Variants in KIRREL3 observed in about 807,000 individuals in gnomAD.
KIRREL3 encodes the protein kin of IRRE-like protein 3.
KIRREL3 carries 36 observed loss-of-function variants against 89.7 expected under a neutral mutation model. The ratio of observed to expected loss-of-function variants is 0.40; its 90% CI spans 0.31 to 0.53. KIRREL3 has a LOEUF of 0.53. KIRREL3 is among the 20% of genes least tolerant of loss of function. The probability of loss-of-function intolerance (pLI) is 0.49; values close to 1 mark genes in which losing one functional copy is unlikely to be tolerated. For synonymous variants in KIRREL3, 445 were observed against 441.4 expected (o/e 1.01, Z -0.10); for missense variants, 864 against 1,056.6 (o/e 0.82, Z 2.53).
chr11:126,881,219 C>T (rs1255478762), intron 1 of KIRREL3, among the ~76,000 whole-genome samples: 1 of 152,188 alleles, frequency 6.6e-6, no homozygotes, highest in Admixed American at 6.5e-5. Context: ...AACCAAGTGG[C>T]ATAAATCGGC....
In KIRREL3 at chr11:126,643,489, T is replaced by C. The variant is rs1944550068; in HGVS notation, c.56-80577A>G. ...GAGTATTGAAGTGGAAAAGAGGAGG[T>C]CATGGTTCAGGGAAAGGTGACTAGT... On this transcript the variant is annotated intron_variant, in intron 1 of 16. Transcript: ENST00000525144. This position sits in a 1 kb window ranked among gnomAD's most constrained non-coding sequence, Gnocchi z 4.5. Among the ~76,000 whole-genome samples the C allele has an allele frequency of 2.0e-5, 3 of 151,600 alleles. No homozygotes were observed. Among genetic ancestry groups the C allele is most frequent in the Admixed American group, 2.0e-4 (3 of 15,196 alleles).
Position 126,923,266 on chromosome 11 carries a change from TCTCCTTCTC to T in KIRREL3, c.55+77180_55+77188del, listed in dbSNP as rs1163351677. ...TTCTTCTTCTTCTTCTTCTTCTTCTTCTCCTTCTCCTTCTCCTTCTCCTTCTCCTTCTTC... is the reference window on the plus strand; with the variant it reads ...TTCTTCTTCTTCTTCTTCTTCTTCTTCTTCTCCTTCTCCTTCTCCTTCTTC... On this transcript the variant is annotated intron_variant, in intron 1 of 16. Transcript: ENST00000525144. Among the ~76,000 whole-genome samples the T allele has an allele frequency of 4.6e-3, 367 of 79,098 alleles. 52 individuals carry two copies. The highest frequency in any genetic ancestry group is 0.014 in the African/African-American group (220 of 15,852). 51.9% of individuals were successfully genotyped at this position (79,098 alleles called of 152,430 possible). A position where few individuals can be genotyped will look rare whatever the true frequency, so the allele number is the denominator to read the frequency against.
chr11:126,941,527 T>C (rs1039943999), intron 1 of KIRREL3, among the ~76,000 whole-genome samples: 1 of 152,222 alleles, frequency 6.6e-6, no homozygotes, highest in Admixed American at 6.5e-5. Context: ...CAGCCTCGCA[T>C]GGTGCATAAA....
intron 2 of KIRREL3, among the ~76,000 whole-genome samples, chr11:126,560,666 G>A (rs1940051251): frequency 6.6e-6 from 1 of 152,184 alleles, no homozygotes; most frequent in Admixed American, 6.5e-5. Context: ...CTGGGTGACA[G>A]GCACCTTATT....
intron 7 of KIRREL3, among the ~76,000 whole-genome samples, chr11:126,450,453 C>G (rs1263288362): frequency 2.7e-5 from 3 of 111,468 alleles, no homozygotes; most frequent in African/African-American, 8.7e-5. Context: ...ATGTGCGCAT[C>G]TGTGAGTGTG....
chr11:126,572,964 G>C (rs1193832385), intron 1 of KIRREL3, among the ~76,000 whole-genome samples: 1 of 152,200 alleles, frequency 6.6e-6, no homozygotes, highest in Non-Finnish European at 1.5e-5. Context: ...CGAATGAGTA[G>C]GGGTAGGGGG....
chr11:126,613,753 C>T (rs981040541), intron 1 of KIRREL3, among the ~76,000 whole-genome samples: 3 of 151,712 alleles, frequency 2.0e-5, no homozygotes, highest in Non-Finnish European at 2.9e-5. Context: ...TCTCGATGTG[C>T]ATTTATTAAA....
chr11:126,630,401 G>C (rs1372016606), intron 1 of KIRREL3, among the ~76,000 whole-genome samples: 2 of 152,192 alleles, frequency 1.3e-5, no homozygotes, highest in African/African-American at 4.8e-5. Context: ...ATTTAGCAAA[G>C]AATTAAAGCA....
chr11:126,806,152 G>T lies in KIRREL3; in HGVS notation c.55+194303C>A, dbSNP rs141812488. On this transcript the variant is annotated intron_variant, in intron 1 of 16. Coordinates refer to ENST00000525144, the MANE Select transcript of KIRREL3 (RefSeq NM_032531.4). The stretch of plus-strand genomic sequence containing the variant: ...GGGGACTGAATAAGATGAAAGGCCA[G>T]CTCAGATCTTCAGGGAAAGCTATTG... Among the ~76,000 whole-genome samples, 232 of 152,296 alleles carry T rather than the reference G, an allele frequency of 1.5e-3. 3 individuals are homozygous for T. The highest frequency in any genetic ancestry group is 5.3e-3 in the African/African-American group (219 of 41,562).
chr11:126,471,146 T>C lies in KIRREL3; in HGVS notation c.591+2163A>G, dbSNP rs1956878666. Reference sequence around the variant, plus strand: ...GCTGAGGCAGGTGGATCACCTGAGGTCGGGAGTTTGAGACCAGCCTGACCA... The same window carrying C: ...GCTGAGGCAGGTGGATCACCTGAGGCCGGGAGTTTGAGACCAGCCTGACCA... On this transcript the variant is annotated intron_variant, in intron 5 of 16. Coordinates refer to ENST00000525144, the MANE Select transcript of KIRREL3 (RefSeq NM_032531.4). The surrounding 1 kb of genome is among the most constrained non-coding windows in gnomAD (Gnocchi z 5.4). 6.6e-6 allele frequency among the ~76,000 whole-genome samples: 1 copy of C among 151,840 alleles called. No individual in the cohort carries two copies. The highest frequency in any genetic ancestry group is 1.5e-5 in the Non-Finnish European group (1 of 67,974).
Position 126,970,383 on chromosome 11 carries a change from C to A in KIRREL3, c.55+30072G>T, listed in dbSNP as rs1565466371. Among the ~76,000 whole-genome samples, 2 of 152,058 alleles carry A rather than the reference C, an allele frequency of 1.3e-5. No individual in the cohort carries two copies. The highest frequency in any genetic ancestry group is 2.9e-5 in the Non-Finnish European group (2 of 68,012). On this transcript the variant is annotated intron_variant, in intron 1 of 16. Coordinates refer to ENST00000525144, the MANE Select transcript of KIRREL3 (RefSeq NM_032531.4). This position sits in a 1 kb window ranked among gnomAD's most constrained non-coding sequence, Gnocchi z 4.4. ...TCTTTATTAAACACTACATTAAACA[C>A]AAATAGGTAGGCATAAGGTTAAGTG... is the stretch of plus-strand genomic sequence containing the variant.
intron 1 of KIRREL3, among the ~76,000 whole-genome samples, chr11:126,699,911 A>G (rs1947244909): frequency 1.3e-5 from 2 of 152,214 alleles, no homozygotes; most frequent in African/African-American, 2.4e-5. Flanking sequence ...AATAAAAATA[A>G]GGCCGGACAT....
chr11:126,659,404 A>C (rs1237777222), intron 1 of KIRREL3, among the ~76,000 whole-genome samples: 1 of 152,208 alleles, frequency 6.6e-6, no homozygotes, highest in Admixed American at 6.5e-5. Flanking sequence ...ATTATTAGTT[A>C]TATCATCTAA....
intron 1 of KIRREL3, among the ~76,000 whole-genome samples, chr11:126,589,065 C>T (rs1440119693): frequency 1.3e-5 from 2 of 152,216 alleles, no homozygotes; most frequent in African/African-American, 4.8e-5. Flanking sequence ...GCTGCCTCTC[C>T]CGGTCCCTTC....
At position 126,831,222 on chromosome 11, in the gene KIRREL3, G is replaced by A. The variant is rs548305220; in HGVS notation, c.55+169233C>T. The stretch of plus-strand genomic sequence containing the variant: ...CTGTTGGCTTAGGCTCAATTTTGAG[G>A]TCACTATTATCCCACCTATTCACTG... On this transcript the variant is annotated intron_variant, in intron 1 of 16. Coordinates refer to ENST00000525144, the MANE Select transcript of KIRREL3 (RefSeq NM_032531.4). Among the ~76,000 whole-genome samples the A allele has an allele frequency of 3.3e-5, 5 of 152,306 alleles. No homozygotes were observed. In the South Asian group the frequency reaches 8.3e-4, roughly 25 times the overall value.
At position 126,940,925 on chromosome 11, in the gene KIRREL3, G is replaced by GT. The variant is rs1948421589; in HGVS notation, c.55+59529dup. 1 of 151,940 alleles carries GT rather than the reference G, an allele frequency of 6.6e-6. No homozygotes were observed. Among genetic ancestry groups the GT allele is most frequent in the Non-Finnish European group, 1.5e-5 (1 of 68,020 alleles). 9.4% of individuals were successfully genotyped at this position (151,940 alleles called of 1,614,324 possible). A position where few individuals can be genotyped will look rare whatever the true frequency, so the allele number is the denominator to read the frequency against. ...ATCTGCATCAGCCTAAATTGTCCTAGTGAGTTCACTTATGTCTGGGTTACT... is the reference window on the plus strand; with the variant it reads ...ATCTGCATCAGCCTAAATTGTCCTAGTTGAGTTCACTTATGTCTGGGTTACT... On this transcript the variant is annotated intron_variant, in intron 1 of 16. Coordinates refer to ENST00000525144, the MANE Select transcript of KIRREL3 (RefSeq NM_032531.4). This position sits in a 1 kb window ranked among gnomAD's most constrained non-coding sequence, Gnocchi z 4.6.
chr11:126,779,650 G>C (rs1179992919), intron 1 of KIRREL3, among the ~76,000 whole-genome samples: 1 of 152,050 alleles, frequency 6.6e-6, no homozygotes, highest in African/African-American at 2.4e-5. Context: ...GTCAATCTTA[G>C]GACACAGTAG....
intron 1 of KIRREL3, among the ~76,000 whole-genome samples, chr11:126,934,014 AAT>A (rs1206684970): frequency 3.0e-4 from 43 of 141,670 alleles, no homozygotes; most frequent in South Asian, 2.2e-4. Flanking sequence ...AAAAAAAAAA[AAT>A]GCAAAAGAAC....
intron 1 of KIRREL3, among the ~76,000 whole-genome samples, chr11:126,799,319 T>TGTAGGCATGTGC (rs1491487830): frequency 1.6e-5 from 1 of 64,388 alleles, no homozygotes; most frequent in African/African-American, 7.4e-5. Context: ...TGTGTGTACC[T>TGTAGGCATGTGC]ATGTGTATCT....
Sources: allele counts gnomAD v4.1 joint callset (sites outside exome capture counted in the v4.1 genomes callset), GRCh38; gene constraint gnomAD v4.1.1; non-coding constraint Gnocchi (gnomAD v3.1); transcripts MANE v1.5; gene names NCBI Gene and HGNC (gene_info 2026-07-23, HGNC 2026-07-21).